PCDH15: variants seen among roughly 807,000 people sequenced by gnomAD.
PCDH15 encodes protocadherin-15.
In PCDH15, 129 loss-of-function variants were observed where a neutral mutation model predicts 178.5. The observed-to-expected ratio is 0.72, with a 90% CI of 0.63 to 0.84. PCDH15 has a LOEUF of 0.84. Ranked by LOEUF, PCDH15 falls within the 40% of genes least tolerant of loss-of-function variation. The pLI is 0.00. For missense variants in PCDH15, 2,230 were observed against 2,099.9 expected, an observed-to-expected ratio of 1.06 and a Z score of -1.21; for synonymous variants, 800 against 732.0, an observed-to-expected ratio of 1.09 and a Z score of -1.50.
chr10:55,252,549 C>T (rs1229537726), intron 1 of PCDH15, among the ~76,000 whole-genome samples: 2 of 151,820 alleles, frequency 1.3e-5, no homozygotes, highest in East Asian at 1.9e-4. Context: ...AAGTTTTTTT[C>T]CTATAATTAA....
rs150381902 is a variant in PCDH15, at chr10:54,436,604, TC to T, written c.158-57663del. On this transcript the variant is annotated intron_variant, in intron 3 of 37. Transcript: ENST00000644397. ...TAAATTTTCAAGCACAGAAATTTGT[TC>T]ATTTAATTGATTTTTATATATGCTT... Among the ~76,000 whole-genome samples, 750 of 152,310 alleles carry T rather than the reference TC, an allele frequency of 4.9e-3. 9 individuals carry two copies. Among genetic ancestry groups the T allele is most frequent in the African/African-American group, 0.017 (698 of 41,578 alleles).
chr10:54,100,364 C>CA lies in PCDH15; in HGVS notation c.1918-10302dup, dbSNP rs5785037. ...TGAGTGACAGAGCAAGACTCCGTCT[C>CA]AAAAAAAAAAAAAAGTATTGCTCAA... is the stretch of plus-strand genomic sequence containing the variant. On this transcript the variant is annotated intron_variant, in intron 15 of 37. Coordinates refer to ENST00000644397, the MANE Select transcript of PCDH15 (RefSeq NM_001384140.1). Among the ~76,000 whole-genome samples the CA allele has an allele frequency of 7.8e-3, 999 of 128,498 alleles. 1 individual carries two copies. Among genetic ancestry groups the CA allele is most frequent in the Middle Eastern group, 0.016 (4 of 246 alleles). 84.3% of individuals were successfully genotyped at this position (128,498 alleles called of 152,430 possible).
At chr10:55,404,487 T>G (rs1024590039) in intron 2 of PCDH15, among the ~76,000 whole-genome samples, 1 of 152,012 alleles carries the variant, frequency 6.6e-6, no homozygotes, top group Non-Finnish European at 1.5e-5. Context: ...AAACGTTCTT[T>G]TTTTCTTACA....
intron 3 of PCDH15, among the ~76,000 whole-genome samples, chr10:54,881,985 A>G (rs569205495): frequency 1.3e-5 from 2 of 152,208 alleles, no homozygotes; most frequent in African/African-American, 2.4e-5. Flanking sequence ...CATGAGGGCA[A>G]ATTTCTTTTC....
intron 11 of PCDH15, among the ~76,000 whole-genome samples, chr10:54,190,442 C>A (rs571383270): frequency 6.6e-6 from 1 of 152,178 alleles, no homozygotes; most frequent in Non-Finnish European, 1.5e-5. Context: ...CCCAATTTGT[C>A]ATCTAGCCTG....
chr10:54,309,810 AT>A (rs1397567847), intron 8 of PCDH15, among the ~76,000 whole-genome samples: 2 of 152,020 alleles, frequency 1.3e-5, no homozygotes, highest in East Asian at 3.9e-4. Flanking sequence ...GAAAAAAAAA[AT>A]ACTGTATATC....
chr10:55,222,115 T>C (rs1252148382), intron 1 of PCDH15, among the ~76,000 whole-genome samples: 1 of 151,736 alleles, frequency 6.6e-6, no homozygotes, highest in East Asian at 1.9e-4. Flanking sequence ...GACCTTGTGA[T>C]CCACCTGCCT....
chr10:53,866,585 A>G, intron 27 of PCDH15, 57 bp downstream of exon 27: 1 of 1,293,500 alleles, frequency 7.7e-7, no homozygotes, highest in Non-Finnish European at 1.1e-6. Flanking sequence ...AACTGAAAAC[A>G]CTGACCTATG....
At chr10:54,614,935 A>T (rs111338551) in intron 2 of PCDH15, among the ~76,000 whole-genome samples, 92 of 152,200 alleles carry the variant, frequency 6.0e-4, no homozygotes, top group African/African-American at 2.0e-3. Context: ...CTAATATATG[A>T]TATGTATAAG....
chr10:53,949,474 AT>A (rs2134163637), intron 23 of PCDH15, among the ~76,000 whole-genome samples: 1 of 152,336 alleles, frequency 6.6e-6, no homozygotes, highest in Admixed American at 6.5e-5. Flanking sequence ...ACTATTGTTC[AT>A]CTTATTAAAA....
intron 13 of PCDH15, among the ~76,000 whole-genome samples, chr10:54,160,361 A>T (rs975479610): frequency 2.0e-5 from 3 of 152,206 alleles, no homozygotes; most frequent in South Asian, 2.1e-4. Context: ...ACAAGGGAAG[A>T]ATACTGTAAA....
At chr10:54,052,442 G>A (rs544511069) in intron 18 of PCDH15, among the ~76,000 whole-genome samples, 7 of 152,300 alleles carry the variant, frequency 4.6e-5, no homozygotes, top group African/African-American at 1.7e-4. Context: ...AAACTTTAAG[G>A]TTTAATGACT....
intron 1 of PCDH15, among the ~76,000 whole-genome samples, chr10:55,206,841 T>A (rs2132165270): frequency 6.6e-6 from 1 of 152,188 alleles, no homozygotes; most frequent in East Asian, 1.9e-4. Context: ...TTTTGAAATT[T>A]TGGAAAATAG....
At chr10:54,278,917 C>T (rs1019895381) in intron 8 of PCDH15, among the ~76,000 whole-genome samples, 3 of 151,532 alleles carry the variant, frequency 2.0e-5, no homozygotes, top group Non-Finnish European at 4.4e-5. Flanking sequence ...CAACCTACCG[C>T]ATCCTTAGTT....
At chr10:55,567,640 A>C (rs1289458034) in intron 2 of PCDH15, among the ~76,000 whole-genome samples, 3 of 152,052 alleles carry the variant, frequency 2.0e-5, no homozygotes, top group Admixed American at 6.6e-5. Flanking sequence ...ACTTGAATAG[A>C]CATTTATCCA....
At chr10:54,989,818 TG>T (rs1839457864) in intron 2 of PCDH15, among the ~76,000 whole-genome samples, 1 of 152,142 alleles carries the variant, frequency 6.6e-6, no homozygotes, top group Non-Finnish European at 1.5e-5. Flanking sequence ...TGATATGGTT[TG>T]GCTGTTTCCC....
intron 2 of PCDH15, among the ~76,000 whole-genome samples, chr10:55,422,592 C>A (rs12268926): frequency 0.26 from 40,146 of 151,730 alleles, 6,404 homozygotes; most frequent in African/African-American, 0.45. Context: ...AAATAACACT[C>A]TATTTTAAGT....
At chr10:55,059,254 A>T (rs1476306034) in intron 2 of PCDH15, among the ~76,000 whole-genome samples, 1 of 152,198 alleles carries the variant, frequency 6.6e-6, no homozygotes, top group African/African-American at 2.4e-5. Context: ...ACCCATAAAA[A>T]TATGAAGTGA....
At chr10:53,905,273 A>G (rs1191373532) in intron 25 of PCDH15, 2 of 515,476 alleles carry the variant, frequency 3.9e-6, no homozygotes. Flanking sequence ...GACATCACAA[A>G]ATACAAATAG....
Sources: allele counts gnomAD v4.1 joint callset (sites outside exome capture counted in the v4.1 genomes callset), GRCh38; gene constraint gnomAD v4.1.1; transcripts MANE v1.5; gene names NCBI Gene and HGNC (gene_info 2026-07-23, HGNC 2026-07-21).